The following QSER1 variants were observed in gnomAD, a reference collection of about 807,000 sequenced individuals.
QSER1 encodes glutamine and serine-rich protein 1.
In QSER1, 49 loss-of-function variants were observed where a neutral mutation model predicts 158.5. The observed-to-expected ratio is 0.31, with a 90% confidence interval of 0.25 to 0.39. The LOEUF is 0.39. Among genes scored for constraint, QSER1 ranks in the 10% least tolerant of loss-of-function variants. The pLI is 1.00. For synonymous variants in QSER1, 650 were observed against 715.5 expected, an observed-to-expected ratio of 0.91 and a Z score of 1.46; for missense variants, 1,754 against 2,010.3, an observed-to-expected ratio of 0.87 and a Z score of 2.44.
rs1290972758 is a variant in QSER1, at chr11:32,893,585, C to A, written c.209+251C>A. On this transcript the variant is annotated intron_variant, in intron 1 of 12. Coordinates refer to ENST00000650167, the MANE Select transcript of QSER1 (RefSeq NM_001076786.3). The surrounding 1 kb of genome is among the most constrained non-coding windows in gnomAD (Gnocchi z 4.7). ...TAGCTGGGCGGGAGTCGTGGGGCTC[C>A]GTCACCTCTTGGGTCCTGGGCTCTC... Among the ~76,000 whole-genome samples the A allele has an allele frequency of 6.6e-6, 1 of 152,126 alleles. No homozygotes were observed. Among genetic ancestry groups the A allele is most frequent in the Non-Finnish European group, 1.5e-5 (1 of 68,022 alleles).
chr11:32,933,713 A>T lies in QSER1; in HGVS notation c.2455A>T (p.Lys819Ter). Residue 819 changes from lysine (K) to a stop codon, truncating the protein, a stop_gained, in exon 4 of 13, where the codon AAG (lysine) becomes TAG (stop). Transcript: ENST00000650167. LOFTEE classifies it high-confidence loss of function. ...HPLILKVHES[K>*]VQEQHDQIIN... ...TCTCATACTTAAGGTGCATGAGTCC[A>T]AGGTCCAGGAACAGCACGATCAAAT... is the stretch of plus-strand genomic sequence containing the variant. 2 of 1,613,920 alleles carry T rather than the reference A, an allele frequency of 1.2e-6. No individual in the cohort carries two copies. Among genetic ancestry groups the T allele is most frequent in the East Asian group, 2.2e-5 (1 of 44,892 alleles).
intron 1 of QSER1, among the ~76,000 whole-genome samples, chr11:32,898,521 CACACACACAT>C (rs1306903040): frequency 3.5e-5 from 5 of 140,974 alleles, no homozygotes; most frequent in Admixed American, 2.1e-4. Flanking sequence ...CACACACACA[CACACACACAT>C]TGTAATGTGC....
intron 8 of QSER1, among the ~76,000 whole-genome samples, chr11:32,962,823 AGTT>A (rs1300908214): frequency 2.0e-5 from 3 of 152,238 alleles, no homozygotes; most frequent in Admixed American, 2.0e-4. Context: ...AAATACCATC[AGTT>A]GTTTTCCTTG....
At chr11:32,922,781 G>A (rs1247473546) in intron 1 of QSER1, among the ~76,000 whole-genome samples, 2 of 151,732 alleles carry the variant, frequency 1.3e-5, no homozygotes, top group South Asian at 2.1e-4. Flanking sequence ...CACCATGCCC[G>A]GCCTATTTTT....
At chr11:32,960,865 A>G (rs999684218) in intron 8 of QSER1, among the ~76,000 whole-genome samples, 2 of 152,198 alleles carry the variant, frequency 1.3e-5, no homozygotes, top group Non-Finnish European at 2.9e-5. Context: ...TTAAGAAGTC[A>G]AATATTGATA....
intron 8 of QSER1, among the ~76,000 whole-genome samples, chr11:32,959,258 A>T (rs1322914040): frequency 6.6e-6 from 1 of 152,224 alleles, no homozygotes; most frequent in African/African-American, 2.4e-5. Flanking sequence ...GAGTAGTTCT[A>T]CAGAGACCAT....
intron 1 of QSER1, among the ~76,000 whole-genome samples, chr11:32,903,597 ATTTG>A (rs112672094): frequency 1.4e-3 from 210 of 151,320 alleles, no homozygotes; most frequent in Middle Eastern, 3.4e-3. Context: ...TAAGTTTTTT[ATTTG>A]TTTGTTTGTT....
rs1462966839 is a variant in QSER1 at position 32,962,802 on chromosome 11, T to A, written c.4970-3498T>A. Among the ~76,000 whole-genome samples, 4 of 152,332 alleles carry A rather than the reference T, an allele frequency of 2.6e-5. No individual in the cohort carries two copies. The East Asian group carries it at 7.7e-4, about 29-fold the overall frequency. ...TTTTCACTTGAAATCTCAAATTTTA[T>A]CATTGGCAACAAATACCATCAGTTG... On this transcript the variant is annotated intron_variant, in intron 8 of 12. Coordinates refer to ENST00000650167, the MANE Select transcript of QSER1 (RefSeq NM_001076786.3).
chr11:32,970,633 G>A (rs1293829086), intron 10 of QSER1, among the ~76,000 whole-genome samples: 1 of 152,156 alleles, frequency 6.6e-6, no homozygotes, highest in Non-Finnish European at 1.5e-5. Context: ...TCGAACTCCT[G>A]ACTTCAAGTG....
At chr11:32,907,390 A>G (rs1000337388) in intron 1 of QSER1, among the ~76,000 whole-genome samples, 2 of 152,222 alleles carry the variant, frequency 1.3e-5, no homozygotes, top group African/African-American at 4.8e-5. Flanking sequence ...GTATTTTTGG[A>G]CAGATTTCCT....
chr11:32,899,043 G>T (rs947169285), intron 1 of QSER1, among the ~76,000 whole-genome samples: 11 of 152,112 alleles, frequency 7.2e-5, no homozygotes, highest in African/African-American at 2.4e-4. Flanking sequence ...TTGTGCAATG[G>T]TATATGTTTT....
chr11:32,932,361 G>C lies in QSER1; in HGVS notation c.1103G>C (p.Gly368Ala). Residue 368 changes from glycine to alanine, a missense_variant, in exon 4 of 13, where the codon GGA becomes GCA. Transcript: ENST00000650167. ...TCATCTTTATCCTGTAGCCCAATTG[G>C]AGATTCCACTCAGGTGAGCAACGGA... is the stretch of plus-strand genomic sequence containing the variant. ...RQSSLSCSPIGDSTQVSNGGL... is the reference protein window; with the variant it reads ...RQSSLSCSPIADSTQVSNGGL... 2 of 1,612,216 alleles carry C rather than the reference G, an allele frequency of 1.2e-6. No individual in the cohort carries two copies. The highest frequency in any genetic ancestry group is 1.7e-6 in the Non-Finnish European group (2 of 1,180,002).
intron 4 of QSER1, among the ~76,000 whole-genome samples, chr11:32,938,217 T>C (rs1459923230): frequency 6.6e-6 from 1 of 152,168 alleles, no homozygotes; most frequent in Admixed American, 6.5e-5. Context: ...TATAGTAACC[T>C]CTCAGGTTTT....
At chr11:32,955,931 A>C in intron 6 of QSER1, 57 bp from the exon 7 acceptor site, 1 of 1,496,068 alleles carries the variant, frequency 6.7e-7, no homozygotes, top group Non-Finnish European at 9.1e-7. Context: ...GAACAAACAA[A>C]GTAGCATTTG....
rs1243898541 is a variant in QSER1, at chr11:32,978,438, T to C, written c.*1964T>C. 1 of 152,240 alleles carries C rather than the reference T, an allele frequency of 6.6e-6. No individual in the cohort carries two copies. The highest frequency in any genetic ancestry group is 2.4e-5 in the African/African-American group (1 of 41,466). 9.4% of individuals were successfully genotyped at this position (152,240 alleles called of 1,614,324 possible). On this transcript the variant is annotated 3_prime_UTR_variant, in exon 13 of 13. Coordinates refer to ENST00000650167, the MANE Select transcript of QSER1 (RefSeq NM_001076786.3). ...TAATGTGGCATTGTAAATATACATC[T>C]TTATATTACTCTTCCAGCCTACGTT...
intron 4 of QSER1, among the ~76,000 whole-genome samples, chr11:32,936,957 A>T (rs867856221): frequency 6.6e-6 from 1 of 152,204 alleles, no homozygotes; most frequent in African/African-American, 2.4e-5. Flanking sequence ...AGATTCAAAG[A>T]CATTACTACC....
Position 32,893,709 on chromosome 11 carries a change from G to A in QSER1, c.209+375G>A, listed in dbSNP as rs1851516509. On this transcript the variant is annotated intron_variant, in intron 1 of 12. Transcript: ENST00000650167. This position sits in a 1 kb window ranked among gnomAD's most constrained non-coding sequence, Gnocchi z 4.7. ...GGGCGCCGGAGAGTTTGGGGCAGTGGCGATCCATTGTATTGGAACCTGGGT... is the reference window on the plus strand; with the variant it reads ...GGGCGCCGGAGAGTTTGGGGCAGTGACGATCCATTGTATTGGAACCTGGGT... Among the ~76,000 whole-genome samples the A allele has an allele frequency of 6.6e-6, 1 of 152,232 alleles. No homozygotes were observed. The highest frequency in any genetic ancestry group is 1.5e-5 in the Non-Finnish European group (1 of 68,044).
intron 4 of QSER1, among the ~76,000 whole-genome samples, chr11:32,947,956 A>AT (rs1176481302): frequency 6.6e-6 from 1 of 152,014 alleles, no homozygotes; most frequent in African/African-American, 2.4e-5. Flanking sequence ...CTTTTGGAAC[A>AT]TTTTTTCTTG....
intron 1 of QSER1, among the ~76,000 whole-genome samples, chr11:32,916,565 T>C (rs978040566): frequency 6.6e-6 from 1 of 152,060 alleles, no homozygotes; most frequent in African/African-American, 2.4e-5. Flanking sequence ...TGGTGTAGAC[T>C]GTACACACCT....
Sources: gnomAD v4.1 joint callset for allele counts (sites outside exome capture counted in the v4.1 genomes callset) on GRCh38, gnomAD v4.1.1 for gene constraint, Gnocchi (gnomAD v3.1) non-coding constraint, MANE v1.5 for transcripts, NCBI Gene and HGNC (gene_info 2026-07-23, HGNC 2026-07-21) for gene names.